CAST: variants seen among roughly 807,000 people sequenced by gnomAD.
CAST encodes calpastatin.
A neutral mutation model predicts 119.6 loss-of-function variants in CAST; 76 were observed. The ratio of observed to expected loss-of-function variants is 0.64; its 90% confidence interval spans 0.53 to 0.77. The LOEUF is 0.77. Among genes scored for constraint, CAST ranks in the 30% least tolerant of loss-of-function variants. CAST has a pLI of 0.00. For synonymous variants in CAST, 319 were observed against 331.6 expected, an observed-to-expected ratio of 0.96 and a Z score of 0.41; for missense variants, 953 against 946.5, an observed-to-expected ratio of 1.01 and a Z score of -0.09.
the CAST span, among the ~76,000 whole-genome samples, chr5:96,021,654 G>A: frequency 5.6e-3 from 845 of 152,162 alleles, 1 homozygote; most frequent in Non-Finnish European, 9.2e-3. Context: ...CACTGTGTTA[G>A]CCAGGATGGT....
chr5:96,420,883 C>T, the CAST span, among the ~76,000 whole-genome samples: 7 of 152,110 alleles, frequency 4.6e-5, no homozygotes, highest in Non-Finnish European at 8.8e-5. Flanking sequence ...AATAAAGAAG[C>T]GCTTCATGTG....
chr5:96,267,046 G>T, the CAST span, among the ~76,000 whole-genome samples: 2 of 152,130 alleles, frequency 1.3e-5, no homozygotes, highest in African/African-American at 4.8e-5. Flanking sequence ...TGTATTAGAG[G>T]CTCTCAATAG....
At chr5:96,462,718 A>G in the CAST span, among the ~76,000 whole-genome samples, 4 of 152,056 alleles carry the variant, frequency 2.6e-5, no homozygotes, top group African/African-American at 9.7e-5. Context: ...CCCCACTAAA[A>G]TCTCATTTCG....
chr5:96,744,953 ATTTCAATTCAGTAGGCTCT>A (rs1763449892), intron 16 of CAST, among the ~76,000 whole-genome samples: 1 of 152,206 alleles, frequency 6.6e-6, no homozygotes, highest in Non-Finnish European at 1.5e-5. Context: ...GTCTAGTGCC[ATTTCAATTCAGTAGGCTCT>A]TTTTTTTCGA....
intron 3 of CAST, among the ~76,000 whole-genome samples, chr5:96,703,419 G>A (rs1376366396): frequency 2.0e-5 from 3 of 152,206 alleles, no homozygotes; most frequent in Non-Finnish European, 4.4e-5. Flanking sequence ...TGCTGGGTGT[G>A]GCGTGGCAAG....
the CAST span, among the ~76,000 whole-genome samples, chr5:96,135,135 G>A: frequency 2.0e-5 from 3 of 152,144 alleles, no homozygotes; most frequent in African/African-American, 7.2e-5. Context: ...CACACCATAA[G>A]GGTTTGCATT....
chr5:96,220,256 C>T, the CAST span, among the ~76,000 whole-genome samples: 792 of 152,308 alleles, frequency 5.2e-3, 7 homozygotes, highest in African/African-American at 0.018. Flanking sequence ...TTTGTGAAGA[C>T]ATGATGCTTC....
At chr5:96,251,492 C>G in the CAST span, among the ~76,000 whole-genome samples, 1 of 152,036 alleles carries the variant, frequency 6.6e-6, no homozygotes, top group Non-Finnish European at 1.5e-5. Context: ...TGAGATTCCT[C>G]CCTCCCCTAC....
At chr5:96,207,868 A>G in the CAST span, among the ~76,000 whole-genome samples, 1 of 152,008 alleles carries the variant, frequency 6.6e-6, no homozygotes, top group African/African-American at 2.4e-5. Flanking sequence ...TTAAGTAGAA[A>G]TGGTACCAGC....
the CAST span, among the ~76,000 whole-genome samples, chr5:96,273,551 T>G: frequency 6.6e-6 from 1 of 152,234 alleles, no homozygotes; most frequent in Non-Finnish European, 1.5e-5. Flanking sequence ...AAGTATTGGC[T>G]TTCCTTGTTG....
chr5:96,019,311 T>A, the CAST span, among the ~76,000 whole-genome samples: 1 of 152,190 alleles, frequency 6.6e-6, no homozygotes, highest in Non-Finnish European at 1.5e-5. Flanking sequence ...TCAATACATG[T>A]GATTATGATA....
the CAST span, among the ~76,000 whole-genome samples, chr5:96,034,515 G>T: frequency 1.2e-5 from 1 of 80,310 alleles, no homozygotes; most frequent in Non-Finnish European, 3.3e-5. Context: ...ACATATGTGT[G>T]TGTGTATGCA....
chr5:96,095,433 T>A, the CAST span, among the ~76,000 whole-genome samples: 3 of 151,252 alleles, frequency 2.0e-5, no homozygotes, highest in Non-Finnish European at 4.4e-5. Flanking sequence ...ATTAGCCAGG[T>A]GCCTGTATTC....
At chr5:96,650,729 TGTGTGTGTG>T (rs1480429797) in intron 1 of CAST, among the ~76,000 whole-genome samples, 1 of 2,670 alleles carries the variant, frequency 3.7e-4, no homozygotes, top group Non-Finnish European at 1.3e-3. Flanking sequence ...CCCACTTAAT[TGTGTGTGTG>T]TGTGTGTGTG....
At chr5:96,448,666 T>A in the CAST span, among the ~76,000 whole-genome samples, 2 of 152,150 alleles carry the variant, frequency 1.3e-5, no homozygotes, top group African/African-American at 2.4e-5. Flanking sequence ...TTCAGGAAGA[T>A]CAATACAGAC....
chr5:96,287,579 G>A, the CAST span, among the ~76,000 whole-genome samples: 1 of 152,048 alleles, frequency 6.6e-6, no homozygotes, highest in Non-Finnish European at 1.5e-5. Flanking sequence ...AACGGGTTCT[G>A]TGTGACCCTC....
chr5:96,589,696 T>C (rs955773598), intron 1 of CAST, among the ~76,000 whole-genome samples: 27 of 152,340 alleles, frequency 1.8e-4, no homozygotes, highest in African/African-American at 6.5e-4. Context: ...ATAGCATAAC[T>C]TCTCTATAGC....
At chr5:96,391,962 T>G in the CAST span, 1 of 152,202 alleles carries the variant, frequency 6.6e-6, no homozygotes, top group Admixed American at 6.5e-5. Context: ...GGAGAAGAAC[T>G]TTTAGTATCA....
the CAST span, among the ~76,000 whole-genome samples, chr5:96,283,763 T>C: frequency 1.9e-4 from 29 of 152,228 alleles, no homozygotes; most frequent in African/African-American, 6.5e-4. Context: ...GAAGTATTAA[T>C]AAATCTTGCT....
Sources: gnomAD v4.1 joint callset for allele counts (sites outside exome capture counted in the v4.1 genomes callset) on GRCh38, gnomAD v4.1.1 for gene constraint, MANE v1.5 for transcripts, NCBI Gene and HGNC (gene_info 2026-07-23, HGNC 2026-07-21) for gene names.